Variants in MAPK10 observed in about 807,000 individuals in gnomAD.
MAPK10 encodes mitogen-activated protein kinase 10.
A neutral mutation model predicts 59.3 loss-of-function variants in MAPK10; 25 were observed. That is an observed-to-expected ratio of 0.42 (90% confidence interval 0.31 to 0.59). The LOEUF is 0.59. Among genes scored for constraint, MAPK10 ranks in the 20% least tolerant of loss-of-function variants. The pLI is 0.15. For synonymous variants in MAPK10, 190 were observed against 200.5 expected (o/e 0.95, Z 0.44); for missense variants, 351 against 568.9 (o/e 0.62, Z 3.90).
At chr4:86,087,567 A>G (rs930916474) in intron 9 of MAPK10, among the ~76,000 whole-genome samples, 2 of 152,066 alleles carry the variant, frequency 1.3e-5, no homozygotes, top group African/African-American at 4.8e-5. Flanking sequence ...ATGTATATTT[A>G]GAAGACAAAA....
chr4:86,456,535 G>A (rs573800675), upstream of MAPK10, among the ~76,000 whole-genome samples: 1 of 152,140 alleles, frequency 6.6e-6, no homozygotes, highest in African/African-American at 2.4e-5. Context: ...ACACCTTTAT[G>A]CACATAAACT....
chr4:86,242,649 T>C (rs2092807591), intron 2 of MAPK10, among the ~76,000 whole-genome samples: 1 of 152,186 alleles, frequency 6.6e-6, no homozygotes, highest in Non-Finnish European at 1.5e-5. Flanking sequence ...GCCAGTGTGT[T>C]GGGCTGTGGG....
intron 9 of MAPK10, among the ~76,000 whole-genome samples, chr4:86,082,604 C>T (rs886375145): frequency 5.3e-5 from 8 of 151,982 alleles, no homozygotes; most frequent in Admixed American, 1.3e-4. Flanking sequence ...GCAAAAGCTT[C>T]GAAGGAGAAA....
intron 1 of MAPK10, among the ~76,000 whole-genome samples, chr4:86,521,083 A>C (rs1757074836): frequency 6.6e-6 from 1 of 152,210 alleles, no homozygotes; most frequent in South Asian, 2.1e-4. Context: ...TGTTTTCTCA[A>C]ATGCTGGTTA....
chr4:86,081,861 G>A (rs2050726891), intron 9 of MAPK10: 1 of 140,562 alleles, frequency 7.1e-6, no homozygotes, highest in Non-Finnish European at 1.5e-5. Context: ...TATATTTATA[G>A]TACCATGGTT....
At chr4:86,326,896 G>A (rs1462855995) in intron 2 of MAPK10, 4 of 152,164 alleles carry the variant, frequency 2.6e-5, no homozygotes, top group Non-Finnish European at 4.4e-5. Flanking sequence ...TACTTTCAGT[G>A]TTCTTAAATC....
At chr4:86,521,709 C>A (rs1420558765) in intron 1 of MAPK10, among the ~76,000 whole-genome samples, 2 of 152,130 alleles carry the variant, frequency 1.3e-5, no homozygotes, top group Non-Finnish European at 2.9e-5. Flanking sequence ...GATCTTGCCC[C>A]AGGCTACAAT....
At chr4:86,247,354 T>C (rs991484929) in intron 2 of MAPK10, among the ~76,000 whole-genome samples, 1 of 152,246 alleles carries the variant, frequency 6.6e-6, no homozygotes, top group Non-Finnish European at 1.5e-5. Flanking sequence ...CATTGTTTAA[T>C]CTAACTCATG....
At chr4:86,470,620 C>A (rs763130805) in intron 1 of MAPK10, among the ~76,000 whole-genome samples, 9 of 152,190 alleles carry the variant, frequency 5.9e-5, no homozygotes, top group Non-Finnish European at 1.3e-4. Flanking sequence ...CATTTCATCT[C>A]CCCTATTTTT....
intron 4 of MAPK10, among the ~76,000 whole-genome samples, chr4:86,136,365 A>G (rs1199499270): frequency 2.0e-5 from 3 of 152,186 alleles, no homozygotes; most frequent in Non-Finnish European, 4.4e-5. Flanking sequence ...GCCAGAAGAG[A>G]GTGGGGGCCA....
In MAPK10 at chr4:86,074,763, G is replaced by A. The variant is rs372508223; in HGVS notation, c.803-6808C>T. Among the ~76,000 whole-genome samples, 17 of 132,134 alleles carry A rather than the reference G, an allele frequency of 1.3e-4. 1 individual carries two copies. The highest frequency in any genetic ancestry group is 6.2e-4 in the East Asian group (3 of 4,850). The allele number at this position is 132,134 out of a possible 152,430, so 86.7% of individuals were successfully genotyped here. A position where few individuals can be genotyped will look rare whatever the true frequency, so the allele number is the denominator to read the frequency against. ...TTGTAGGGTTTCTGCCGAGAGATCCGCTGTTAGTCTGATGGGCTTCCCTTT... is the reference window on the plus strand; with the variant it reads ...TTGTAGGGTTTCTGCCGAGAGATCCACTGTTAGTCTGATGGGCTTCCCTTT... On this transcript the variant is annotated intron_variant, in intron 9 of 13. Coordinates refer to ENST00000641462, the MANE Select transcript of MAPK10 (RefSeq NM_138982.4).
intron 1 of MAPK10, chr4:86,370,679 A>C (rs1738622398): frequency 6.6e-6 from 1 of 152,188 alleles, no homozygotes; most frequent in Non-Finnish European, 1.5e-5. Flanking sequence ...ACAGTCATGC[A>C]AGTAGAAAAT....
At chr4:86,271,106 A>G (rs2148770556) in intron 2 of MAPK10, among the ~76,000 whole-genome samples, 1 of 152,172 alleles carries the variant, frequency 6.6e-6, no homozygotes, top group South Asian at 2.1e-4. Flanking sequence ...CTGCTTTTCC[A>G]AGAGGTTGTA....
In MAPK10 at chr4:86,021,670, G is replaced by A. The variant is rs564242470; in HGVS notation, c.1253-4300C>T. 7.2e-4 allele frequency among the ~76,000 whole-genome samples: 110 copies of A among 152,352 alleles called. 1 individual carries two copies. Among genetic ancestry groups the A allele is most frequent in the African/African-American group, 2.6e-3 (108 of 41,600 alleles). ...CATGGAGCAGGGGGTGGTGCTCGTCGGGGAGGCTCGGGCTGCACAGGAGCC... is the reference window on the plus strand; with the variant it reads ...CATGGAGCAGGGGGTGGTGCTCGTCAGGGAGGCTCGGGCTGCACAGGAGCC... On this transcript the variant is annotated intron_variant, in intron 13 of 13. Transcript: ENST00000641462.
chr4:86,494,227 T>A (rs184411626), intron 1 of MAPK10, among the ~76,000 whole-genome samples: 38 of 152,248 alleles, frequency 2.5e-4, no homozygotes, highest in Non-Finnish European at 4.1e-4. Context: ...ATCTTCCATG[T>A]TTGTGAGTAG....
chr4:86,190,886 C>T (rs796217001), intron 3 of MAPK10, among the ~76,000 whole-genome samples: 13 of 152,240 alleles, frequency 8.5e-5, no homozygotes, highest in African/African-American at 2.2e-4. Flanking sequence ...GCATTTAGTG[C>T]TATAAATTTC....
At chr4:86,221,404 T>C (rs1468581737) in intron 2 of MAPK10, among the ~76,000 whole-genome samples, 5 of 152,086 alleles carry the variant, frequency 3.3e-5, no homozygotes, top group Non-Finnish European at 7.4e-5. Flanking sequence ...AGCATATTTA[T>C]AGACAATAAA....
intron 1 of MAPK10, among the ~76,000 whole-genome samples, chr4:86,484,379 G>A (rs1362927474): frequency 1.3e-5 from 2 of 151,986 alleles, no homozygotes; most frequent in South Asian, 2.1e-4. Context: ...AGCTAAGAAC[G>A]GAGGCAAGCT....
chr4:86,021,697 A>G (rs1354411733), intron 13 of MAPK10, among the ~76,000 whole-genome samples: 1 of 152,330 alleles, frequency 6.6e-6, no homozygotes, highest in Admixed American at 6.5e-5. Flanking sequence ...ACAGGAGCCC[A>G]TGGAGTGGGT....
Sources: allele counts gnomAD v4.1 joint callset (sites outside exome capture counted in the v4.1 genomes callset), GRCh38; gene constraint gnomAD v4.1.1; transcripts MANE v1.5; gene names NCBI Gene and HGNC (gene_info 2026-07-23, HGNC 2026-07-21).